The following SLC26A5 variants were observed in gnomAD, a reference collection of about 807,000 sequenced individuals.
SLC26A5 encodes prestin.
In SLC26A5, 51 loss-of-function variants were observed where a neutral mutation model predicts 81.0. That is an observed-to-expected ratio of 0.63 (90% CI 0.50 to 0.80). The LOEUF is 0.80. Ranked by LOEUF, SLC26A5 falls within the 30% of genes least tolerant of loss-of-function variation. The pLI, the probability that SLC26A5 is intolerant of heterozygous loss-of-function variation, is 0.00. For synonymous variants in SLC26A5, 325 were observed against 332.8 expected (o/e 0.98, Z 0.25); for missense variants, 771 against 905.8 (o/e 0.85, Z 1.91).
At chr7:103,384,902 C>T (rs568063838) in intron 14 of SLC26A5, among the ~76,000 whole-genome samples, 1 of 152,266 alleles carries the variant, frequency 6.6e-6, no homozygotes, top group African/African-American at 2.4e-5. Flanking sequence ...ACGTGTCTGT[C>T]ATCCTTAGGA....
chr7:103,419,626 C>T (rs1328331848), intron 4 of SLC26A5, among the ~76,000 whole-genome samples: 1 of 152,062 alleles, frequency 6.6e-6, no homozygotes, highest in African/African-American at 2.4e-5. Context: ...CAACCTCCAC[C>T]TCCCAGGTTC....
At chr7:103,372,060 C>T (rs573626397), downstream of SLC26A5, among the ~76,000 whole-genome samples, 23 of 152,258 alleles carry the variant, frequency 1.5e-4, no homozygotes, top group South Asian at 4.6e-3. Context: ...GATATTAGCT[C>T]GTTTACAAAA....
chr7:103,421,312 C>T (rs767618464), intron 3 of SLC26A5, 51 bp downstream of exon 3: 9 of 1,600,646 alleles, frequency 5.6e-6, no homozygotes, highest in Non-Finnish European at 6.8e-6. Context: ...GACCTTGCGC[C>T]TCTCATAACT....
chr7:103,444,669 G>C lies in SLC26A5; in HGVS notation c.-183+1429C>G, dbSNP rs572047053. On this transcript the variant is annotated intron_variant, in intron 1 of 19. Coordinates refer to ENST00000306312, the MANE Select transcript of SLC26A5 (RefSeq NM_198999.3). ...GAACGTGTAACTCTGTATAGTTTCA[G>C]AGTAGTTAAAGAGAGAAAAAAAGAA... Among the ~76,000 whole-genome samples, 28 of 152,336 alleles carry C rather than the reference G, an allele frequency of 1.8e-4. No individual in the cohort carries two copies. The South Asian group carries it at 5.8e-3, about 32-fold the overall frequency.
chr7:103,392,852 C>A (rs1034537285), intron 10 of SLC26A5, 67 bp downstream of exon 10: 1 of 1,597,918 alleles, frequency 6.3e-7, no homozygotes, highest in African/African-American at 1.3e-5. Context: ...GCTGGGATTA[C>A]AGGCGTGAGC....
intron 4 of SLC26A5, among the ~76,000 whole-genome samples, chr7:103,420,058 G>C (rs1057260064): frequency 1.3e-5 from 2 of 152,064 alleles, no homozygotes; most frequent in African/African-American, 4.8e-5. Flanking sequence ...TGAATATTAA[G>C]TTCTTATATC....
intron 19 of SLC26A5, chr7:103,364,061 T>C: frequency 7.4e-7 from 1 of 1,357,426 alleles, no homozygotes. Flanking sequence ...ATACTAAACA[T>C]AAAAGCACTT....
At chr7:103,361,914 T>A (rs763290222) in intron 19 of SLC26A5, 12 of 1,562,560 alleles carry the variant, frequency 7.7e-6, no homozygotes, top group Non-Finnish European at 1.0e-5. Context: ...TCATTATTAG[T>A]GGCTTAGGTT....
exon 20 of SLC26A5, chr7:103,352,815 G>A: frequency 1.3e-6 from 1 of 780,360 alleles, no homozygotes; most frequent in Non-Finnish European, 2.4e-6. Flanking sequence ...CCCACTAACA[G>A]ATTCCAGAGC....
At chr7:103,393,919 GCATT>G (rs1822877673) in intron 9 of SLC26A5, among the ~76,000 whole-genome samples, 1 of 152,064 alleles carries the variant, frequency 6.6e-6, no homozygotes. Flanking sequence ...ACAATAACAA[GCATT>G]TATTATATGC....
chr7:103,442,461 T>C (rs1174862774), intron 2 of SLC26A5, among the ~76,000 whole-genome samples: 1 of 152,082 alleles, frequency 6.6e-6, no homozygotes, highest in Non-Finnish European at 1.5e-5. Context: ...TTGAAAACGA[T>C]TGTATTCTGG....
intron 8 of SLC26A5, among the ~76,000 whole-genome samples, 198 bp from the exon 9 acceptor site, chr7:103,398,212 C>T (rs1823301879): frequency 6.6e-6 from 1 of 152,116 alleles, no homozygotes; most frequent in African/African-American, 2.4e-5. Flanking sequence ...ATGAACTCTA[C>T]AGAGTTTATG....
At position 103,413,025 on chromosome 7, in the gene SLC26A5, C is replaced by G; in HGVS notation, c.380G>C (p.Gly127Ala). Residue 127 changes from glycine (G) to alanine (A), a missense_variant, in exon 5 of 20, where the codon GGA becomes GCA. Gly to Ala is a moderately conservative substitution (Grantham distance 60). Coordinates refer to ENST00000306312, the MANE Select transcript of SLC26A5 (RefSeq NM_198999.3). ...FYPVIMYCFL[G>A]TSRHISIGPF... is the part of the protein sequence containing the mutation. ...ACCTATGGATATGTGTCTGGAGGTTCCAAGAAAACAATACATGATAACAGG... is the reference window on the plus strand; with the variant it reads ...ACCTATGGATATGTGTCTGGAGGTTGCAAGAAAACAATACATGATAACAGG... The G allele has an allele frequency of 6.2e-7, 1 of 1,611,860 alleles. No homozygotes were observed. The highest frequency in any genetic ancestry group is 8.5e-7 in the Non-Finnish European group (1 of 1,178,126).
intron 2 of SLC26A5, among the ~76,000 whole-genome samples, chr7:103,435,343 T>A (rs990194197): frequency 1.3e-5 from 2 of 152,184 alleles, no homozygotes; most frequent in African/African-American, 4.8e-5. Context: ...CTTCTTCATA[T>A]GTCAGGTTAT....
chr7:103,362,454 A>T (rs1554574844), intron 19 of SLC26A5: 1 of 1,369,172 alleles, frequency 7.3e-7, no homozygotes, highest in Non-Finnish European at 9.4e-7. Flanking sequence ...TTAAAAAAAA[A>T]TCTCCCCTCC....
At chr7:103,444,603 G>A (rs1175543664) in intron 1 of SLC26A5, among the ~76,000 whole-genome samples, 2 of 152,204 alleles carry the variant, frequency 1.3e-5, no homozygotes, top group Admixed American at 6.5e-5. Context: ...ATACTTGTTG[G>A]ATTGAGTCAA....
rs372287716 is a variant in SLC26A5 at position 103,376,839 on chromosome 7, G to T, written c.2010C>A (p.Val670=). The T allele has an allele frequency of 5.6e-6, 9 of 1,603,446 alleles. No individual in the cohort carries two copies. Among genetic ancestry groups the T allele is most frequent in the East Asian group, 4.5e-5 (2 of 44,702 alleles). ...ATCCTGCTAAGTATACATATATACC[G>T]ACGTCTCCATATTCTTTTACAATCT... ...LAGIVKEYGD[V]GIYVYLAGCS... The change falls in exon 19 of 20, where the codon GTC becomes GTA. Residue 670 remains valine, a synonymous_variant. Coordinates refer to ENST00000306312, the MANE Select transcript of SLC26A5 (RefSeq NM_198999.3).
intron 11 of SLC26A5, among the ~76,000 whole-genome samples, chr7:103,391,350 T>C (rs890749628): frequency 6.6e-6 from 1 of 152,230 alleles, no homozygotes; most frequent in African/African-American, 2.4e-5. Context: ...CAGGCTTTCA[T>C]AACAATATTC....
intron 8 of SLC26A5, among the ~76,000 whole-genome samples, chr7:103,403,655 TA>T (rs71036482): frequency 2.6e-5 from 4 of 152,024 alleles, no homozygotes; most frequent in Admixed American, 2.6e-4. Context: ...TTTGTTGGTT[TA>T]AAGTCTGTTT....
Sources: gnomAD v4.1 joint callset for allele counts (sites outside exome capture counted in the v4.1 genomes callset) on GRCh38, gnomAD v4.1.1 for gene constraint, MANE v1.5 for transcripts, NCBI Gene and HGNC (gene_info 2026-07-23, HGNC 2026-07-21) for gene names.